The following CIB3 variants were observed in gnomAD, a reference collection of about 807,000 sequenced individuals.
CIB3 encodes the protein calcium and integrin binding family member 3, also known as calcium and integrin-binding family member 3.
Under a neutral mutation model 23.4 loss-of-function variants are expected in CIB3, and 22 were observed. That is an observed-to-expected ratio of 0.94 (90% CI 0.67 to 1.34). The LOEUF is 1.34. CIB3 is among the 40% of genes most tolerant of loss of function. The pLI is 0.00. For synonymous variants in CIB3, 93 were observed against 95.8 expected (o/e 0.97, Z 0.17); for missense variants, 258 against 247.3 (o/e 1.04, Z -0.29).
In CIB3 at chr19:16,161,427, A is replaced by G. The variant is rs369904209; in HGVS notation, c.*38T>C. ...CAGAGTCCACAGCGGGTGAGGGGTCACCCCGCCCTCCTATAGCTCGGCTCC... is the reference window on the plus strand; with the variant it reads ...CAGAGTCCACAGCGGGTGAGGGGTCGCCCCGCCCTCCTATAGCTCGGCTCC... On this transcript the variant is annotated 3_prime_UTR_variant, in exon 6 of 6. Transcript: ENST00000269878. The G allele has an allele frequency of 6.2e-7, 1 of 1,610,564 alleles. No individual in the cohort carries two copies. The highest frequency in any genetic ancestry group is 1.3e-5 in the African/African-American group (1 of 74,774).
intron 3 of CIB3, 85 bp from the exon 4 acceptor site, chr19:16,168,369 T>C: frequency 6.5e-7 from 1 of 1,542,804 alleles, no homozygotes. Flanking sequence ...AGCACCCACC[T>C]TCTGGGAACC....
At chr19:16,169,982 A>G (rs1218482066) in intron 2 of CIB3, among the ~76,000 whole-genome samples, 1 of 152,118 alleles carries the variant, frequency 6.6e-6, no homozygotes, top group Non-Finnish European at 1.5e-5. Flanking sequence ...TTGTATTTTT[A>G]GTAGCGACGG....
chr19:16,166,673 T>C (rs188111649), intron 4 of CIB3, among the ~76,000 whole-genome samples: 248 of 152,368 alleles, frequency 1.6e-3, no homozygotes, highest in African/African-American at 5.8e-3. Flanking sequence ...GTGTCTACTG[T>C]GTGCCAGGTA....
At chr19:16,173,069 CA>C in intron 2 of CIB3, 92 bp downstream of exon 2, 19 of 1,490,138 alleles carry the variant, frequency 1.3e-5, no homozygotes, top group Non-Finnish European at 1.8e-5. Flanking sequence ...CACACACACA[CA>C]CACACACACA....
At chr19:16,163,228 C>T (rs1446197176) in intron 5 of CIB3, among the ~76,000 whole-genome samples, 1 of 152,128 alleles carries the variant, frequency 6.6e-6, no homozygotes, top group Non-Finnish European at 1.5e-5. Flanking sequence ...CCATGCACTG[C>T]AGTCTGGGTC....
chr19:16,166,929 A>C (rs1016795568), intron 4 of CIB3, among the ~76,000 whole-genome samples: 1 of 152,078 alleles, frequency 6.6e-6, no homozygotes. Context: ...AAAATACAAA[A>C]ATTTGGCTGG....
At position 16,168,042 on chromosome 19, in the gene CIB3, C is replaced by T. The variant is rs992204550; in HGVS notation, c.346+95G>A. On this transcript the variant is annotated intron_variant, in intron 4 of 5. Transcript: ENST00000269878. The stretch of plus-strand genomic sequence containing the variant: ...GACAGGGCCACATAGGGCCTCAAAA[C>T]CCCTGGGGAGATATTTGTGATGTGG... 2.0e-6 allele frequency: 3 copies of T among 1,484,628 alleles called. No homozygotes were observed. In the East Asian group the frequency reaches 7.4e-5, roughly 37 times the overall value. 92.0% of individuals were successfully genotyped at this position (1,484,628 alleles called of 1,614,324 possible). A position where few individuals can be genotyped will look rare whatever the true frequency, so the allele number is the denominator to read the frequency against.
chr19:16,166,214 C>T (rs1375948325), intron 4 of CIB3, among the ~76,000 whole-genome samples: 2 of 152,094 alleles, frequency 1.3e-5, no homozygotes, highest in African/African-American at 4.8e-5. Context: ...TCGCTTGAAC[C>T]CAGGGAGTGG....
At position 16,173,410 on chromosome 19, in the gene CIB3, C is replaced by A; in HGVS notation, c.51+15G>T. ...GTTGTCAAACCCACTGAGGACCCATCCTGCCCCCCTCTACCTGATACGCTT... is the reference window on the plus strand; with the variant it reads ...GTTGTCAAACCCACTGAGGACCCATACTGCCCCCCTCTACCTGATACGCTT... On this transcript the variant is annotated intron_variant, in intron 1 of 5. Transcript: ENST00000269878. 6.2e-7 allele frequency: 1 copy of A among 1,612,682 alleles called. No homozygotes were observed. The highest frequency in any genetic ancestry group is 1.3e-5 in the African/African-American group (1 of 75,008).
intron 3 of CIB3, among the ~76,000 whole-genome samples, 166 bp downstream of exon 3, chr19:16,169,464 C>G (rs1019666725): frequency 1.3e-5 from 2 of 152,088 alleles, no homozygotes; most frequent in Non-Finnish European, 2.9e-5. Context: ...TTAACCCTGT[C>G]TCTGTCACAT....
chr19:16,169,831 G>T, intron 2 of CIB3, 90 bp from the exon 3 acceptor site: 3 of 1,094,976 alleles, frequency 2.7e-6, no homozygotes, highest in African/African-American at 3.2e-5. Context: ...ACAGAGTCTC[G>T]GTCTGTCACC....
Position 16,173,041 on chromosome 19 carries a change from T to TACACACACAC in CIB3, c.86+111_86+120dup, listed in dbSNP as rs3076227. On this transcript the variant is annotated intron_variant, in intron 2 of 5. Transcript: ENST00000269878. ...GAGAAAGAAAGAAAGAAAGACTACT[T>TACACACACAC]ACACACACACACACACACACACACA... 1.0e-3 allele frequency: 803 copies of TACACACACAC among 783,994 alleles called. 7 individuals are homozygous for TACACACACAC. Among genetic ancestry groups the TACACACACAC allele is most frequent in the African/African-American group, 6.2e-3 (313 of 50,182 alleles). 48.6% of individuals were successfully genotyped at this position (783,994 alleles called of 1,614,324 possible). A position where few individuals can be genotyped will look rare whatever the true frequency, so the allele number is the denominator to read the frequency against.
At chr19:16,173,364 T>C (rs374207887) in intron 1 of CIB3, 61 bp downstream of exon 1, 3 of 1,573,204 alleles carry the variant, frequency 1.9e-6, no homozygotes. Context: ...CTGTTCCCAT[T>C]TCCCAGACCA....
At chr19:16,167,926 C>T (rs117398689) in intron 4 of CIB3, among the ~76,000 whole-genome samples, 3,117 of 152,216 alleles carry the variant, frequency 0.02, 43 homozygotes, top group Non-Finnish European at 0.03. Flanking sequence ...GCCCAGAGGC[C>T]GAAGACTGTG....
intron 4 of CIB3, among the ~76,000 whole-genome samples, chr19:16,167,651 G>A (rs955832560): frequency 3.9e-5 from 6 of 152,048 alleles, no homozygotes; most frequent in Non-Finnish European, 8.8e-5. Flanking sequence ...GGCCAACATG[G>A]TGAAACCCCG....
At chr19:16,168,107 T>C in intron 4 of CIB3, 30 bp downstream of exon 4, 2 of 723,012 alleles carry the variant, frequency 2.8e-6, no homozygotes, top group Non-Finnish European at 4.6e-6. Flanking sequence ...CCCATCCCCA[T>C]GCTTCCCAAC....
At chr19:16,170,784 T>C (rs1256576542) in intron 2 of CIB3, among the ~76,000 whole-genome samples, 1 of 150,310 alleles carries the variant, frequency 6.7e-6, no homozygotes, top group Non-Finnish European at 1.5e-5. Flanking sequence ...ATCGTGTCAC[T>C]GCACTCCAGC....
At chr19:16,168,076 CA>C in intron 4 of CIB3, 60 bp downstream of exon 4, 1 of 1,540,354 alleles carries the variant, frequency 6.5e-7, no homozygotes, top group Non-Finnish European at 8.8e-7. Flanking sequence ...GGGTGCCACC[CA>C]CCCAGTTCCC....
intron 1 of CIB3, 37 bp from the exon 2 acceptor site, chr19:16,173,233 C>T (rs2091337804): frequency 1.2e-6 from 2 of 1,613,858 alleles, no homozygotes; most frequent in Non-Finnish European, 8.5e-7. Context: ...CGAACCCTGC[C>T]TCTGGGGCCT....
Sources: allele counts gnomAD v4.1 joint callset (sites outside exome capture counted in the v4.1 genomes callset), GRCh38; gene constraint gnomAD v4.1.1; transcripts MANE v1.5; gene names NCBI Gene and HGNC (gene_info 2026-07-23, HGNC 2026-07-21).